The following RORA variants were observed in gnomAD, a reference collection of about 807,000 sequenced individuals.
RORA encodes the protein nuclear receptor ROR-alpha.
Under a neutral mutation model 69.5 loss-of-function variants are expected in RORA, and 7 were observed. The observed-to-expected ratio is 0.10, with a 90% CI of 0.06 to 0.19. The LOEUF (loss-of-function observed/expected upper bound fraction) is 0.19. Ranked by LOEUF, RORA falls within the 10% of genes least tolerant of loss-of-function variation. The probability of loss-of-function intolerance (pLI) is 1.00; values close to 1 mark genes in which losing one functional copy is unlikely to be tolerated. For synonymous variants in RORA, 261 were observed against 240.8 expected (o/e 1.08, Z -0.78); for missense variants, 457 against 663.0 (o/e 0.69, Z 3.41).
At position 60,643,663 on chromosome 15, in the gene RORA, C is replaced by A. The variant is rs72748768; in HGVS notation, c.196+34994G>T. ...AAGCTGAACCTCCTTGGCGACACCC[C>A]CTAGCCTGACCCCTCTTTTCTCCTT... On this transcript the variant is annotated intron_variant, in intron 2 of 10. Coordinates refer to ENST00000335670, the MANE Select transcript of RORA (RefSeq NM_134261.3). Among the ~76,000 whole-genome samples the A allele has an allele frequency of 3.4e-3, 517 of 152,270 alleles. 1 individual carries two copies. Among genetic ancestry groups the A allele is most frequent in the Admixed American group, 5.4e-3 (83 of 15,300 alleles).
chr15:60,505,745 A>C, intron 5 of RORA, 116 bp from the exon 6 acceptor site: 1 of 1,181,280 alleles, frequency 8.5e-7, no homozygotes, highest in Non-Finnish European at 1.2e-6. Flanking sequence ...GCGAGTTTTG[A>C]CTGTCTTTAC....
rs1424827251 is a variant in RORA, at chr15:60,490,929, G to A, written c.*6526C>T. 2 of 152,114 alleles carry A rather than the reference G, an allele frequency of 1.3e-5. No individual in the cohort carries two copies. Among genetic ancestry groups the A allele is most frequent in the Non-Finnish European group, 2.9e-5 (2 of 67,992 alleles). The allele number at this position is 152,114 out of a possible 1,614,324, so 9.4% of individuals were successfully genotyped here. On this transcript the variant is annotated 3_prime_UTR_variant, in exon 11 of 11. Transcript: ENST00000335670. The surrounding 1 kb of genome is among the most constrained non-coding windows in gnomAD (Gnocchi z 4.1). ...GTGGGAAAATATGTTGTAGCTTGAA[G>A]CCTCCCATTGGCCCAAACATCCAAT...
At chr15:61,214,429 C>T (rs1393581457) in intron 1 of RORA, among the ~76,000 whole-genome samples, 1 of 152,268 alleles carries the variant, frequency 6.6e-6, no homozygotes, top group East Asian at 1.9e-4. Flanking sequence ...TGAACAGTGG[C>T]TTATGAAGCA....
At chr15:60,604,393 G>A (rs1017477332) in intron 2 of RORA, among the ~76,000 whole-genome samples, 1 of 152,134 alleles carries the variant, frequency 6.6e-6, no homozygotes, top group Non-Finnish European at 1.5e-5. Context: ...CTCCAGTAAT[G>A]CGAATGGACT....
chr15:60,720,345 G>C (rs1382086036), intron 1 of RORA, among the ~76,000 whole-genome samples: 1 of 152,186 alleles, frequency 6.6e-6, no homozygotes, highest in Non-Finnish European at 1.5e-5. Context: ...AGTCCTATTT[G>C]GGTTGTAAAG....
intron 2 of RORA, among the ~76,000 whole-genome samples, chr15:60,668,077 G>C (rs1330077321): frequency 6.6e-6 from 1 of 152,174 alleles, no homozygotes; most frequent in Non-Finnish European, 1.5e-5. Context: ...CAGGGGCAGA[G>C]TTTGTGACAG....
intron 2 of RORA, among the ~76,000 whole-genome samples, chr15:60,651,809 G>T (rs1207520652): frequency 6.6e-6 from 1 of 152,176 alleles, no homozygotes; most frequent in African/African-American, 2.4e-5. Context: ...ATCTGAGAGA[G>T]ATAAATTTAC....
At chr15:60,569,741 G>A (rs1010080839) in intron 2 of RORA, among the ~76,000 whole-genome samples, 3 of 152,184 alleles carry the variant, frequency 2.0e-5, no homozygotes, top group African/African-American at 4.8e-5. Context: ...GGGTAAAAGA[G>A]GGATGCAGAC....
chr15:60,658,093 T>C (rs1022730278), intron 2 of RORA, among the ~76,000 whole-genome samples: 1 of 152,160 alleles, frequency 6.6e-6, no homozygotes, highest in African/African-American at 2.4e-5. Flanking sequence ...TTTTCTTTTT[T>C]TTTTGGAGAT....
chr15:60,592,284 A>T, intron 2 of RORA: 2 of 796,624 alleles, frequency 2.5e-6, no homozygotes, highest in Non-Finnish European at 3.4e-6. Flanking sequence ...CCCGGGCAGT[A>T]CGTGCGTTCG....
At chr15:60,616,718 A>G (rs1206362536) in intron 2 of RORA, among the ~76,000 whole-genome samples, 1 of 152,244 alleles carries the variant, frequency 6.6e-6, no homozygotes, top group Non-Finnish European at 1.5e-5. Context: ...ATTTTCCCTG[A>G]GTAATCTTGT....
chr15:60,614,790 T>C, intron 2 of RORA: 1 of 853,028 alleles, frequency 1.2e-6, no homozygotes, highest in Non-Finnish European at 1.8e-6. Context: ...TTTATAGTAA[T>C]CATAAGGTTT....
chr15:60,911,831 C>A (rs911012693), intron 1 of RORA, among the ~76,000 whole-genome samples: 1 of 149,682 alleles, frequency 6.7e-6, no homozygotes, highest in Non-Finnish European at 1.5e-5. Flanking sequence ...TCCCAAATAG[C>A]TGGGATTACA....
chr15:61,035,933 G>C (rs1896436866), intron 1 of RORA, among the ~76,000 whole-genome samples: 2 of 152,130 alleles, frequency 1.3e-5, no homozygotes, highest in Non-Finnish European at 2.9e-5. Context: ...ACAAAAGCAT[G>C]ACATGGACAT....
chr15:60,761,506 GT>G (rs1268445451), intron 1 of RORA, among the ~76,000 whole-genome samples: 4 of 152,126 alleles, frequency 2.6e-5, no homozygotes, highest in East Asian at 1.9e-4. Flanking sequence ...TTTATGATAT[GT>G]TTTTTTAAAA....
chr15:60,922,286 G>A (rs1284982542), intron 1 of RORA, among the ~76,000 whole-genome samples: 2 of 152,082 alleles, frequency 1.3e-5, no homozygotes, highest in Non-Finnish European at 2.9e-5. Flanking sequence ...CCTGTAGAAG[G>A]CACAACACCA....
chr15:61,185,311 T>C (rs1242989083), intron 1 of RORA, among the ~76,000 whole-genome samples: 1 of 146,844 alleles, frequency 6.8e-6, no homozygotes, highest in Non-Finnish European at 1.5e-5. Context: ...TGATCCCATC[T>C]TTTTTTTTTT....
chr15:61,169,439 G>T (rs2079566360), intron 1 of RORA, among the ~76,000 whole-genome samples: 1 of 151,870 alleles, frequency 6.6e-6, no homozygotes, highest in African/African-American at 2.4e-5. Context: ...CTCCTCTTCT[G>T]CAGGTTCCTC....
At chr15:60,636,711 C>CA (rs1819114940) in intron 2 of RORA, among the ~76,000 whole-genome samples, 1 of 152,118 alleles carries the variant, frequency 6.6e-6, no homozygotes, top group African/African-American at 2.4e-5. Flanking sequence ...AAGAAGCCTA[C>CA]AAAATATCAC....
Sources: allele counts gnomAD v4.1 joint callset (sites outside exome capture counted in the v4.1 genomes callset), GRCh38; gene constraint gnomAD v4.1.1; non-coding constraint Gnocchi (gnomAD v3.1); transcripts MANE v1.5; gene names NCBI Gene and HGNC (gene_info 2026-07-23, HGNC 2026-07-21).